EFR3A: variants seen among roughly 807,000 people sequenced by gnomAD.
EFR3A encodes the protein EFR3 homolog A, also known as protein EFR3 homolog A.
EFR3A carries 76 observed loss-of-function variants against 104.4 expected under a neutral mutation model. The observed-to-expected ratio is 0.73, with a 90% confidence interval of 0.60 to 0.88. EFR3A has a LOEUF of 0.88. Among genes scored for constraint, EFR3A ranks in the 40% least tolerant of loss-of-function variants. EFR3A has a pLI of 0.00. For missense variants in EFR3A, 985 were observed against 1,012.5 expected (o/e 0.97, Z 0.37); for synonymous variants, 330 against 330.0 (o/e 1.00, Z 0.00).
At chr8:132,005,642 T>C (rs1169504424) in intron 22 of EFR3A, among the ~76,000 whole-genome samples, 3 of 152,138 alleles carry the variant, frequency 2.0e-5, no homozygotes, top group Non-Finnish European at 2.9e-5. Context: ...ATTCTCACGA[T>C]CGTCTCCTGT....
At chr8:131,968,562 G>T (rs1388234226) in intron 9 of EFR3A, 132 bp downstream of exon 9, 3 of 958,138 alleles carry the variant, frequency 3.1e-6, no homozygotes, top group East Asian at 2.8e-5. Context: ...AATTTTTTTT[G>T]AAATTTGGGT....
chr8:131,932,146 G>C (rs974214193), intron 1 of EFR3A, among the ~76,000 whole-genome samples: 1 of 151,948 alleles, frequency 6.6e-6, no homozygotes. Flanking sequence ...GGTTCTTTCT[G>C]TATTTTGATT....
intron 8 of EFR3A, among the ~76,000 whole-genome samples, chr8:131,960,514 A>G (rs1383816522): frequency 2.0e-5 from 3 of 152,140 alleles, no homozygotes; most frequent in African/African-American, 7.2e-5. Flanking sequence ...CATGTATAAT[A>G]TTTCTGGAAA....
intron 18 of EFR3A, among the ~76,000 whole-genome samples, chr8:131,995,740 C>G (rs1821442226): frequency 6.6e-6 from 1 of 152,136 alleles, no homozygotes; most frequent in South Asian, 2.1e-4. Context: ...TTTGTTCAGA[C>G]TGTACAAATG....
In EFR3A at chr8:132,004,082, A is replaced by G. The variant is rs1821917706; in HGVS notation, c.2360+797A>G. On this transcript the variant is annotated intron_variant, in intron 22 of 22. Transcript: ENST00000254624. ...TCTAGGCCACTTGCTTTTTTGTTTC[A>G]GTCTTTTTTCTGCTTTCATAAGCAA... 2.6e-5 allele frequency among the ~76,000 whole-genome samples: 4 copies of G among 152,190 alleles called. No homozygotes were observed. The South Asian group carries it at 6.2e-4, about 24-fold the overall frequency.
At chr8:132,006,433 TTTAGA>T (rs1822057778) in intron 22 of EFR3A, among the ~76,000 whole-genome samples, 1 of 141,472 alleles carries the variant, frequency 7.1e-6, no homozygotes, top group South Asian at 2.1e-4. Flanking sequence ...AATTCAACAC[TTTAGA>T]TGAAATGAGC....
intron 1 of EFR3A, among the ~76,000 whole-genome samples, chr8:131,935,791 A>G (rs938740262): frequency 1.3e-5 from 2 of 151,992 alleles, no homozygotes; most frequent in Non-Finnish European, 2.9e-5. Context: ...TGGTGGAGAC[A>G]TCAATATTTC....
At chr8:131,980,816 C>T (rs1820571119) in intron 14 of EFR3A, among the ~76,000 whole-genome samples, 2 of 151,992 alleles carry the variant, frequency 1.3e-5, no homozygotes, top group African/African-American at 4.8e-5. Context: ...TCCATACCCT[C>T]CTCCTCGCTT....
At chr8:131,906,631 C>A (rs1586507247) in intron 1 of EFR3A, among the ~76,000 whole-genome samples, 1 of 152,320 alleles carries the variant, frequency 6.6e-6, no homozygotes, top group East Asian at 1.9e-4. Context: ...TGATATATCT[C>A]ATGAATATTA....
rs1197304157 is a variant in EFR3A, at chr8:132,002,550, G to C, written c.2207-53G>C. ...TTAACTCTTAACGGTCATTGACTGG[G>C]TTCTGTGAAATTATGTATTCCCTTT... On this transcript the variant is annotated intron_variant, in intron 20 of 22. Coordinates refer to ENST00000254624, the MANE Select transcript of EFR3A (RefSeq NM_015137.6). The C allele has an allele frequency of 1.5e-5, 21 of 1,446,828 alleles. No individual in the cohort carries two copies. In the East Asian group the frequency reaches 4.6e-4, roughly 32 times the overall value. The allele number at this position is 1,446,828 out of a possible 1,614,324, so 89.6% of individuals were successfully genotyped here.
At chr8:131,971,606 T>C (rs1820057243) in intron 10 of EFR3A, among the ~76,000 whole-genome samples, 1 of 150,846 alleles carries the variant, frequency 6.6e-6, no homozygotes, top group South Asian at 2.1e-4. Context: ...GAGCATGGCG[T>C]GAACCCGGGA....
intron 1 of EFR3A, among the ~76,000 whole-genome samples, chr8:131,921,022 G>C (rs1816993522): frequency 6.6e-6 from 1 of 152,164 alleles, no homozygotes; most frequent in African/African-American, 2.4e-5. Context: ...ATTTGGTTAA[G>C]TCTTCTGATT....
At chr8:131,915,918 G>T (rs186653735) in intron 1 of EFR3A, among the ~76,000 whole-genome samples, 65 of 152,258 alleles carry the variant, frequency 4.3e-4, no homozygotes, top group African/African-American at 1.6e-3. Context: ...TAGACACTGA[G>T]GATACGGTGC....
rs529443111 is a variant in EFR3A, at chr8:131,916,602, G to A, written c.10+12280G>A. Among the ~76,000 whole-genome samples, 14 of 152,284 alleles carry A rather than the reference G, an allele frequency of 9.2e-5. No individual in the cohort carries two copies. The South Asian group carries it at 2.7e-3, about 29-fold the overall frequency. ...TGTATAGAGGCTAAAGAAGCTGAGG[G>A]CAAACTCTTGAGGAACATGTTTATT... On this transcript the variant is annotated intron_variant, in intron 1 of 22. Coordinates refer to ENST00000254624, the MANE Select transcript of EFR3A (RefSeq NM_015137.6).
intron 18 of EFR3A, among the ~76,000 whole-genome samples, chr8:131,992,053 A>G (rs1168504208): frequency 1.3e-5 from 2 of 152,078 alleles, no homozygotes; most frequent in African/African-American, 2.4e-5. Flanking sequence ...TGGCTTCAAC[A>G]TGACTCTCTT....
At chr8:131,972,998 C>T (rs909539777) in intron 10 of EFR3A, among the ~76,000 whole-genome samples, 65 of 150,280 alleles carry the variant, frequency 4.3e-4, no homozygotes, top group East Asian at 2.0e-4. Context: ...ACATGGGGCT[C>T]TCACCTTGTA....
chr8:131,959,514 ATTG>A (rs1263874076), intron 7 of EFR3A, 68 bp from the exon 8 acceptor site: 9 of 1,234,550 alleles, frequency 7.3e-6, no homozygotes, highest in East Asian at 2.4e-5. Flanking sequence ...AGCTTTTCCT[ATTG>A]TTGAGGTTTC....
At chr8:131,999,969 G>T (rs1062064) in intron 19 of EFR3A, among the ~76,000 whole-genome samples, 50,897 of 151,938 alleles carry the variant, frequency 0.33, 8,918 homozygotes, top group East Asian at 0.61. Context: ...TGAGGATCTA[G>T]AGTAGCCAGG....
At chr8:131,911,523 C>T (rs1233085524) in intron 1 of EFR3A, among the ~76,000 whole-genome samples, 2 of 152,062 alleles carry the variant, frequency 1.3e-5, no homozygotes, top group Non-Finnish European at 2.9e-5. Context: ...AAAGTGAAAC[C>T]AAAGTAGTTT....
Sources: allele counts gnomAD v4.1 joint callset (sites outside exome capture counted in the v4.1 genomes callset), GRCh38; gene constraint gnomAD v4.1.1; transcripts MANE v1.5; gene names NCBI Gene and HGNC (gene_info 2026-07-23, HGNC 2026-07-21).